PPM1L: variants seen among roughly 807,000 people sequenced by gnomAD.
PPM1L encodes protein phosphatase 1L.
PPM1L carries 13 observed loss-of-function variants against 31.4 expected under a neutral mutation model. The ratio of observed to expected loss-of-function variants is 0.41; its 90% confidence interval spans 0.27 to 0.66. PPM1L has a LOEUF of 0.66. Ranked by LOEUF, PPM1L falls within the 30% of genes least tolerant of loss-of-function variation. The pLI is 0.29. For missense variants in PPM1L, 326 were observed against 453.7 expected, an observed-to-expected ratio of 0.72 and a Z score of 2.56; for synonymous variants, 184 against 175.4, an observed-to-expected ratio of 1.05 and a Z score of -0.39.
intron 2 of PPM1L, among the ~76,000 whole-genome samples, chr3:161,021,409 A>T (rs1429946684): frequency 1.3e-5 from 2 of 151,978 alleles, no homozygotes; most frequent in African/African-American, 2.4e-5. Flanking sequence ...TATGTTTCTA[A>T]CCCTTTTAAA....
chr3:160,985,544 A>C lies in PPM1L; in HGVS notation c.574+23634A>C, dbSNP rs140536555. 4.6e-5 allele frequency among the ~76,000 whole-genome samples: 7 copies of C among 152,274 alleles called. No individual in the cohort carries two copies. In the East Asian group the frequency reaches 1.4e-3, roughly 29 times the overall value. On this transcript the variant is annotated intron_variant, in intron 2 of 3. Transcript: ENST00000498165. The stretch of plus-strand genomic sequence containing the variant: ...CTGCTATTCTCATTCCCATATTGGA[A>C]GTTTGTTTTCCTTGTTTTTTTCTAA...
chr3:160,850,884 T>TGG (rs397991501), intron 1 of PPM1L, among the ~76,000 whole-genome samples: 2,651 of 137,472 alleles, frequency 0.019, 93 homozygotes, highest in East Asian at 0.17. Context: ...TTTTTTTTGG[T>TGG]GGGGGGGGGG....
At chr3:160,890,356 C>G (rs1405699906) in intron 1 of PPM1L, among the ~76,000 whole-genome samples, 2 of 152,118 alleles carry the variant, frequency 1.3e-5, no homozygotes, top group African/African-American at 2.4e-5. Context: ...AATAGACAAG[C>G]AGCGAGCCAA....
chr3:160,768,358 A>G (rs576975071), intron 1 of PPM1L, among the ~76,000 whole-genome samples: 19 of 152,274 alleles, frequency 1.2e-4, no homozygotes, highest in Non-Finnish European at 2.4e-4. Flanking sequence ...TCATCTCTGT[A>G]TGTGAACTAG....
intron 1 of PPM1L, among the ~76,000 whole-genome samples, chr3:160,948,371 A>G (rs1576735284): frequency 6.6e-6 from 1 of 152,156 alleles, no homozygotes; most frequent in Non-Finnish European, 1.5e-5. Flanking sequence ...TAGTTATGCA[A>G]CACTGCCGGT....
intron 1 of PPM1L, among the ~76,000 whole-genome samples, chr3:160,916,237 A>C (rs570186570): frequency 1.4e-4 from 22 of 152,312 alleles, no homozygotes; most frequent in Non-Finnish European, 2.1e-4. Flanking sequence ...ACCCCATCAA[A>C]AAGTGGGCGA....
intron 2 of PPM1L, among the ~76,000 whole-genome samples, chr3:160,976,788 C>A (rs528191472): frequency 2.6e-5 from 4 of 152,040 alleles, no homozygotes; most frequent in African/African-American, 7.2e-5. Flanking sequence ...AGTCTGCTAG[C>A]GGTCTATCAG....
intron 1 of PPM1L, among the ~76,000 whole-genome samples, chr3:160,774,687 C>T (rs562252777): frequency 1.0e-3 from 154 of 152,282 alleles, no homozygotes; most frequent in African/African-American, 3.6e-3. Context: ...TGCTTGCTGC[C>T]GCTTTGTTAA....
intron 2 of PPM1L, among the ~76,000 whole-genome samples, chr3:160,975,648 G>A (rs573245772): frequency 6.6e-6 from 1 of 152,128 alleles, no homozygotes; most frequent in Non-Finnish European, 1.5e-5. Flanking sequence ...GTGAATGAGA[G>A]TTCACTCATG....
At chr3:160,996,129 T>C (rs1559917690) in intron 2 of PPM1L, among the ~76,000 whole-genome samples, 1 of 152,126 alleles carries the variant, frequency 6.6e-6, no homozygotes, top group East Asian at 1.9e-4. Context: ...AATCAAAAAC[T>C]CAAAAAATAA....
intron 1 of PPM1L, among the ~76,000 whole-genome samples, chr3:160,872,580 G>A (rs1264069441): frequency 6.6e-6 from 1 of 152,124 alleles, no homozygotes; most frequent in East Asian, 1.9e-4. Context: ...ATTGTTAAAT[G>A]ATACAAGAAA....
Position 161,067,878 on chromosome 3 carries a change from A to C in PPM1L, c.737-933A>C, listed in dbSNP as rs371636679. Among the ~76,000 whole-genome samples the C allele has an allele frequency of 4.6e-5, 7 of 152,284 alleles. No homozygotes were observed. The East Asian group carries it at 1.4e-3, about 29-fold the overall frequency. On this transcript the variant is annotated intron_variant, in intron 3 of 3. Coordinates refer to ENST00000498165, the MANE Select transcript of PPM1L (RefSeq NM_139245.4). ...ACTGGAAATCATCCCTCCCTTCTCCATCTGCCTACAGCATTTAGCAGACAC... is the reference window on the plus strand; with the variant it reads ...ACTGGAAATCATCCCTCCCTTCTCCCTCTGCCTACAGCATTTAGCAGACAC...
chr3:161,000,333 A>G (rs1717443342), intron 2 of PPM1L, among the ~76,000 whole-genome samples: 1 of 152,234 alleles, frequency 6.6e-6, no homozygotes, highest in African/African-American at 2.4e-5. Flanking sequence ...GTGAAGGATG[A>G]GGAAACAAAG....
At chr3:160,895,368 G>T (rs1390134025) in intron 1 of PPM1L, among the ~76,000 whole-genome samples, 1 of 139,742 alleles carries the variant, frequency 7.2e-6, no homozygotes, top group Admixed American at 7.1e-5. Context: ...GTGCACCACT[G>T]TGCCTGGCTA....
intron 1 of PPM1L, among the ~76,000 whole-genome samples, chr3:160,790,177 T>C (rs918045697): frequency 6.6e-6 from 1 of 152,064 alleles, no homozygotes; most frequent in African/African-American, 2.4e-5. Flanking sequence ...GGCTGTGAGG[T>C]AGGACTTTGA....
intron 2 of PPM1L, among the ~76,000 whole-genome samples, chr3:161,032,088 T>A (rs1159911395): frequency 6.6e-6 from 1 of 152,190 alleles, no homozygotes; most frequent in African/African-American, 2.4e-5. Flanking sequence ...GAGACCATTT[T>A]AAAATTACTC....
chr3:160,789,250 G>A lies in PPM1L; in HGVS notation c.399+32543G>A, dbSNP rs189810191. On this transcript the variant is annotated intron_variant, in intron 1 of 3. Transcript: ENST00000498165. Reference sequence around the variant, plus strand: ...TAGTTACAGTCTTAGAAATGAGATCGTTTATGGCATAATGTTTTCTAATTG... The same window carrying A: ...TAGTTACAGTCTTAGAAATGAGATCATTTATGGCATAATGTTTTCTAATTG... Among the ~76,000 whole-genome samples the A allele has an allele frequency of 1.8e-4, 27 of 151,872 alleles. No individual in the cohort carries two copies. In the East Asian group the frequency reaches 4.8e-3, roughly 27 times the overall value.
chr3:160,768,690 A>G (rs926744879), intron 1 of PPM1L, among the ~76,000 whole-genome samples: 3 of 152,156 alleles, frequency 2.0e-5, no homozygotes, highest in Non-Finnish European at 4.4e-5. Context: ...TCAGAGACTT[A>G]TGCTACAGGT....
intron 1 of PPM1L, among the ~76,000 whole-genome samples, chr3:160,780,960 G>A (rs1409910911): frequency 6.6e-6 from 1 of 152,150 alleles, no homozygotes; most frequent in Non-Finnish European, 1.5e-5. Context: ...CATCATCATT[G>A]TTCTCTTTAA....
Sources: gnomAD v4.1 joint callset for allele counts (sites outside exome capture counted in the v4.1 genomes callset) on GRCh38, gnomAD v4.1.1 for gene constraint, MANE v1.5 for transcripts, NCBI Gene and HGNC (gene_info 2026-07-23, HGNC 2026-07-21) for gene names.